The following DPP9 variants were observed in gnomAD, a reference collection of about 807,000 sequenced individuals.
DPP9 encodes the protein dipeptidyl peptidase IV-related protein-2.
In DPP9, 50 loss-of-function variants were observed where a neutral mutation model predicts 110.7. The ratio of observed to expected loss-of-function variants is 0.45; its 90% CI spans 0.36 to 0.57. The LOEUF is 0.57. DPP9 is among the 20% of genes least tolerant of loss of function. DPP9 has a pLI of 0.00. For synonymous variants in DPP9, 561 were observed against 514.4 expected, an observed-to-expected ratio of 1.09 and a Z score of -1.23; for missense variants, 1,022 against 1,217.9, an observed-to-expected ratio of 0.84 and a Z score of 2.39.
intron 3 of DPP9, among the ~76,000 whole-genome samples, chr19:4,714,755 A>G (rs1283579984): frequency 2.0e-5 from 3 of 151,864 alleles, no homozygotes; most frequent in Non-Finnish European, 2.9e-5. Flanking sequence ...AGACCCCATC[A>G]CTTAAAACCC....
intron 3 of DPP9, among the ~76,000 whole-genome samples, chr19:4,717,247 C>T (rs576564258): frequency 6.6e-6 from 1 of 152,322 alleles, no homozygotes; most frequent in East Asian, 1.9e-4. Context: ...ACTTACAGGG[C>T]TCTCAGGTCA....
chr19:4,716,929 G>A (rs1365381252), intron 3 of DPP9, among the ~76,000 whole-genome samples: 4 of 152,140 alleles, frequency 2.6e-5, no homozygotes, highest in African/African-American at 9.7e-5. Context: ...CGAGACACCC[G>A]TGTCCTGTGG....
intron 21 of DPP9, 152 bp downstream of exon 21, chr19:4,679,683 G>A: frequency 4.8e-6 from 3 of 623,516 alleles, no homozygotes; most frequent in Admixed American, 2.8e-5. Flanking sequence ...CTGGGAGGGC[G>A]GGGACACAGG....
At chr19:4,707,142 G>A (rs1421120958) in intron 4 of DPP9, among the ~76,000 whole-genome samples, 2 of 152,210 alleles carry the variant, frequency 1.3e-5, no homozygotes, top group Non-Finnish European at 2.9e-5. Context: ...GGTAAGAAAC[G>A]TAAAGCTCTC....
At position 4,679,910 on chromosome 19, in the gene DPP9, G is replaced by A. The variant is rs979816482; in HGVS notation, c.2511C>T (p.Asp837=). The change falls in exon 21 of 22, where the codon GAC becomes GAT. Residue 837 remains aspartate (D), a synonymous_variant. Coordinates refer to ENST00000262960, the MANE Select transcript of DPP9 (RefSeq NM_139159.5). The part of the protein sequence containing the change: ...NRLLILHGFL[D]ENVHFFHTNF... ...TTGTGTGGAAAAAGTGCACGTTTTCGTCCAGGAAGCCGTGGAGGATAAGCA... is the reference window on the plus strand; with the variant it reads ...TTGTGTGGAAAAAGTGCACGTTTTCATCCAGGAAGCCGTGGAGGATAAGCA... 9 of 1,613,250 alleles carry A rather than the reference G, an allele frequency of 5.6e-6. No homozygotes were observed. Among genetic ancestry groups the A allele is most frequent in the Non-Finnish European group, 7.6e-6 (9 of 1,179,786 alleles).
Position 4,695,556 on chromosome 19 carries a change from C to G in DPP9, c.1176-1G>C. 1 of 1,463,438 alleles carries G rather than the reference C, an allele frequency of 6.8e-7. No individual in the cohort carries two copies. The highest frequency in any genetic ancestry group is 9.0e-7 in the Non-Finnish European group (1 of 1,108,610). 90.7% of individuals were successfully genotyped at this position (1,463,438 alleles called of 1,614,324 possible). A position where few individuals can be genotyped will look rare whatever the true frequency, so the allele number is the denominator to read the frequency against. On this transcript the variant is annotated splice_acceptor_variant, in intron 11 of 21. Coordinates refer to ENST00000262960, the MANE Select transcript of DPP9 (RefSeq NM_139159.5). LOFTEE classifies it high-confidence loss of function. The surrounding 1 kb of genome is among the most constrained non-coding windows in gnomAD (Gnocchi z 4.7). ...CCGGTCCAGGAACATGGCCCAGGCG[C>G]TAAGGGGGAAGATGCGGGGGAAGAT...
In DPP9 at chr19:4,682,930, C is replaced by A. The variant is rs894751415; in HGVS notation, c.2332-92G>T. 3 of 1,536,424 alleles carry A rather than the reference C, an allele frequency of 2.0e-6. No individual in the cohort carries two copies. The African/African-American group carries it at 4.1e-5, about 21-fold the overall frequency. On this transcript the variant is annotated intron_variant, in intron 19 of 21. Coordinates refer to ENST00000262960, the MANE Select transcript of DPP9 (RefSeq NM_139159.5). This position sits in a 1 kb window ranked among gnomAD's most constrained non-coding sequence, Gnocchi z 7.1. ...AGCATCAGCCGCTGTCCCGGGGCCG[C>A]CCTGGAGCCCGTGAGGAGCGCTCAT...
In DPP9 at chr19:4,685,864, G is replaced by T; in HGVS notation, c.1886-93C>A. ...TGCCCACCCCAAGCCTTGGAGGGTG[G>T]ACCAAAGCACCCCCTCTTTTCCTGG... On this transcript the variant is annotated intron_variant, in intron 16 of 21. Coordinates refer to ENST00000262960, the MANE Select transcript of DPP9 (RefSeq NM_139159.5). The surrounding 1 kb of genome is among the most constrained non-coding windows in gnomAD (Gnocchi z 5.8). 2.1e-6 allele frequency: 3 copies of T among 1,443,742 alleles called. No homozygotes were observed. Among genetic ancestry groups the T allele is most frequent in the South Asian group, 1.3e-5 (1 of 77,824 alleles). 89.4% of individuals were successfully genotyped at this position (1,443,742 alleles called of 1,614,324 possible). A position where few individuals can be genotyped will look rare whatever the true frequency, so the allele number is the denominator to read the frequency against.
intron 21 of DPP9, chr19:4,679,534 A>G (rs115283096): frequency 1.9e-4 from 78 of 405,412 alleles, no homozygotes; most frequent in Non-Finnish European, 2.8e-4. Flanking sequence ...CTGCGGGGCA[A>G]TTTCGGTAAG....
In DPP9 at chr19:4,698,153, C is replaced by G. The variant is rs2091955849; in HGVS notation, c.1075-502G>C. ...CTGGACCCAAAGGCTCTGGTCTGGG[C>G]TGTCCCTTAGAGCCAGGTGGCTCTG... On this transcript the variant is annotated intron_variant, in intron 10 of 21. Coordinates refer to ENST00000262960, the MANE Select transcript of DPP9 (RefSeq NM_139159.5). The surrounding 1 kb of genome is among the most constrained non-coding windows in gnomAD (Gnocchi z 4.2). Among the ~76,000 whole-genome samples, 1 of 152,240 alleles carries G rather than the reference C, an allele frequency of 6.6e-6. No individual in the cohort carries two copies. Among genetic ancestry groups the G allele is most frequent in the Admixed American group, 6.5e-5 (1 of 15,278 alleles).
intron 3 of DPP9, 35 bp from the exon 4 acceptor site, chr19:4,714,372 AACTGTTT>A: frequency 6.8e-7 from 1 of 1,461,418 alleles, no homozygotes; most frequent in Non-Finnish European, 9.0e-7. Flanking sequence ...GAGAAAGGAG[AACTGTTT>A]TACCTACGAG....
rs567240496 is a variant in DPP9, at chr19:4,691,699, C to T, written c.1517-742G>A. ...TTTTTTTTTTTTTTTTTTTTGAAGACGGAGTCTTGCTCTTGTCGCCCAGGC... is the reference window on the plus strand; with the variant it reads ...TTTTTTTTTTTTTTTTTTTTGAAGATGGAGTCTTGCTCTTGTCGCCCAGGC... On this transcript the variant is annotated intron_variant, in intron 13 of 21. Coordinates refer to ENST00000262960, the MANE Select transcript of DPP9 (RefSeq NM_139159.5). Among the ~76,000 whole-genome samples the T allele has an allele frequency of 2.2e-3, 265 of 118,228 alleles. 1 individual carries two copies. The highest frequency in any genetic ancestry group is 7.6e-3 in the African/African-American group (230 of 30,110). 77.6% of individuals were successfully genotyped at this position (118,228 alleles called of 152,430 possible). A position where few individuals can be genotyped will look rare whatever the true frequency, so the allele number is the denominator to read the frequency against.
At chr19:4,711,781 A>T (rs2092845576) in intron 4 of DPP9, among the ~76,000 whole-genome samples, 1 of 149,750 alleles carries the variant, frequency 6.7e-6, no homozygotes. Context: ...TCAAAAAAAA[A>T]AAAAAAAAAA....
At chr19:4,713,958 G>A (rs2092957641) in intron 4 of DPP9, 123 bp downstream of exon 4, 1 of 1,379,070 alleles carries the variant, frequency 7.3e-7, no homozygotes, top group East Asian at 2.5e-5. Context: ...AGGACAGCAT[G>A]CCCAGGGCCC....
In DPP9 at chr19:4,690,885, C is replaced by G. The variant is rs1284745506; in HGVS notation, c.1589G>C (p.Gly530Ala). Residue 530 changes from glycine (G) to alanine (A), a missense_variant, in exon 14 of 22, where the codon GGC becomes GCC. Gly to Ala is a moderately conservative substitution (Grantham distance 60). Transcript: ENST00000262960. ...GCAAGGAGACCCTGGTACCTTGGAGCCGTGCCTCGCCAAAACCTCCCATTC... is the reference window on the plus strand; with the variant it reads ...GCAAGGAGACCCTGGTACCTTGGAGGCGTGCCTCGCCAAAACCTCCCATTC... ...SGEWEVLARH[G>A]SKIWVNEETK... The G allele has an allele frequency of 6.2e-7, 1 of 1,612,410 alleles. No homozygotes were observed. The highest frequency in any genetic ancestry group is 8.5e-7 in the Non-Finnish European group (1 of 1,179,252).
At chr19:4,692,780 A>G (rs974223407) in intron 13 of DPP9, among the ~76,000 whole-genome samples, 1 of 152,182 alleles carries the variant, frequency 6.6e-6, no homozygotes, top group Non-Finnish European at 1.5e-5. Flanking sequence ...CCAATGCCAG[A>G]TGGCGGTGGC....
rs199626308 is a variant in DPP9, at chr19:4,704,239, C to T, written c.492G>A (p.Gly164=). The change falls in exon 6 of 22, where the codon GGG becomes GGA. Residue 164 remains glycine, a synonymous_variant. Transcript: ENST00000262960. The surrounding 1 kb of genome is among the most constrained non-coding windows in gnomAD (Gnocchi z 6.0). The part of the protein sequence containing the change: ...EELLRERKRL[G]VFGITSYDFH... ...AGTCGTAGGAGGTGATGCCGAAGAC[C>T]CCCAGGCGTTTCCGCTCCCTCAGCA... The T allele has an allele frequency of 9.9e-6, 16 of 1,613,974 alleles. 1 individual carries two copies. In the Admixed American group the frequency reaches 2.5e-4, roughly 25 times the overall value.
intron 3 of DPP9, 92 bp downstream of exon 3, chr19:4,719,759 G>C (rs918123075): frequency 1.2e-5 from 17 of 1,440,926 alleles, no homozygotes; most frequent in Non-Finnish European, 1.6e-5. Flanking sequence ...AGGGGAGAGG[G>C]AAAGAAGGGG....
At chr19:4,715,039 TTTTTTTG>T (rs2093015776) in intron 3 of DPP9, among the ~76,000 whole-genome samples, 1 of 135,224 alleles carries the variant, frequency 7.4e-6, no homozygotes, top group African/African-American at 2.7e-5. Context: ...TTTTTTTTTT[TTTTTTTG>T]GAGACAGAGT....
Sources: gnomAD v4.1 joint callset for allele counts (sites outside exome capture counted in the v4.1 genomes callset) on GRCh38, gnomAD v4.1.1 for gene constraint, Gnocchi (gnomAD v3.1) non-coding constraint, MANE v1.5 for transcripts, NCBI Gene and HGNC (gene_info 2026-07-23, HGNC 2026-07-21) for gene names.